ADAMTSL1: variants seen among roughly 807,000 people sequenced by gnomAD.
ADAMTSL1 encodes the protein ADAMTS like 1.
Under a neutral mutation model 201.8 loss-of-function variants are expected in ADAMTSL1, and 126 were observed. That is an observed-to-expected ratio of 0.62 (90% CI 0.54 to 0.72). ADAMTSL1 has a LOEUF of 0.72. Among genes scored for constraint, ADAMTSL1 ranks in the 30% least tolerant of loss-of-function variants. The pLI is 0.00. For synonymous variants in ADAMTSL1, 1,121 were observed against 903.4 expected (o/e 1.24, Z -4.32); for missense variants, 2,679 against 2,277.8 (o/e 1.18, Z -3.59).
At chr9:18,841,980 A>G (rs1046693429) in intron 23 of ADAMTSL1, among the ~76,000 whole-genome samples, 2 of 151,694 alleles carry the variant, frequency 1.3e-5, no homozygotes, top group Non-Finnish European at 2.9e-5. Context: ...GATCCTTTCA[A>G]AAAACCAGCT....
chr9:18,598,143 G>A (rs1824387189), intron 4 of ADAMTSL1, among the ~76,000 whole-genome samples: 1 of 152,144 alleles, frequency 6.6e-6, no homozygotes, highest in Non-Finnish European at 1.5e-5. Context: ...AGACCCTGGG[G>A]ATATTTTGAA....
At chr9:18,626,882 C>T (rs550102776) in intron 5 of ADAMTSL1, among the ~76,000 whole-genome samples, 19,728 of 124,576 alleles carry the variant, frequency 0.16, 1,519 homozygotes, top group Admixed American at 0.22. Flanking sequence ...TTTCTTCCTT[C>T]CTTCCTTCCT....
chr9:18,425,858 A>AG (rs1377006004), intron 2 of ADAMTSL1, among the ~76,000 whole-genome samples: 2 of 121,004 alleles, frequency 1.7e-5, no homozygotes, highest in East Asian at 3.2e-4. Flanking sequence ...CCCTGTCTCA[A>AG]GAAAAAAAAA....
chr9:17,948,752 G>T (rs1054325711), intron 1 of ADAMTSL1, among the ~76,000 whole-genome samples: 6 of 152,206 alleles, frequency 3.9e-5, no homozygotes, highest in African/African-American at 1.4e-4. Context: ...CCTGGTTTAG[G>T]TTAATGCAAA....
intron 1 of ADAMTSL1, among the ~76,000 whole-genome samples, chr9:18,036,277 G>A (rs1372149095): frequency 6.6e-6 from 1 of 152,190 alleles, no homozygotes; most frequent in Admixed American, 6.5e-5. Flanking sequence ...GGAAGAGGTT[G>A]AGAGGCCTTT....
chr9:17,917,550 G>T (rs975973326), intron 1 of ADAMTSL1, among the ~76,000 whole-genome samples: 2 of 151,916 alleles, frequency 1.3e-5, no homozygotes, highest in African/African-American at 4.8e-5. Flanking sequence ...AGCCCAAATT[G>T]ATCATAATAT....
intron 2 of ADAMTSL1, among the ~76,000 whole-genome samples, chr9:18,331,020 G>T (rs1185982603): frequency 2.0e-5 from 3 of 152,158 alleles, no homozygotes; most frequent in African/African-American, 4.8e-5. Flanking sequence ...ATTGGGTATG[G>T]CATAGTCAGG....
At chr9:18,131,710 C>T (rs1330613987) in intron 1 of ADAMTSL1, among the ~76,000 whole-genome samples, 4 of 152,086 alleles carry the variant, frequency 2.6e-5, no homozygotes, top group Non-Finnish European at 4.4e-5. Flanking sequence ...TAGTCTTTTG[C>T]TGGGACTGTG....
chr9:18,021,209 A>G (rs1820468176), intron 1 of ADAMTSL1, among the ~76,000 whole-genome samples: 1 of 152,152 alleles, frequency 6.6e-6, no homozygotes, highest in Admixed American at 6.5e-5. Context: ...CAAGTTTCTG[A>G]AGTCTGAAAT....
At chr9:18,115,585 G>A (rs568191803) in intron 1 of ADAMTSL1, among the ~76,000 whole-genome samples, 1 of 152,114 alleles carries the variant, frequency 6.6e-6, no homozygotes, top group Admixed American at 6.6e-5. Flanking sequence ...ACTTAAAGAG[G>A]ATTTACTGTG....
chr9:18,111,631 C>T (rs182404110), intron 1 of ADAMTSL1, among the ~76,000 whole-genome samples: 1 of 152,280 alleles, frequency 6.6e-6, no homozygotes, highest in East Asian at 1.9e-4. Flanking sequence ...ATTTTGGAGT[C>T]CACTTTAGAC....
chr9:18,790,528 T>TAC, intron 19 of ADAMTSL1, among the ~76,000 whole-genome samples: 1 of 152,312 alleles, frequency 6.6e-6, no homozygotes, highest in East Asian at 1.9e-4. Context: ...CCTTAAGCAC[T>TAC]ACACATTCCA....
intron 7 of ADAMTSL1, among the ~76,000 whole-genome samples, chr9:18,651,699 T>C (rs1360919427): frequency 6.6e-6 from 1 of 152,188 alleles, no homozygotes; most frequent in Non-Finnish European, 1.5e-5. Context: ...TGGAGAATTC[T>C]AAGGGAACAG....
chr9:18,700,187 C>G (rs781022968), intron 13 of ADAMTSL1, among the ~76,000 whole-genome samples: 4 of 151,980 alleles, frequency 2.6e-5, no homozygotes, highest in Admixed American at 2.6e-4. Flanking sequence ...TTTAAGAATG[C>G]CTTAATATTA....
chr9:17,990,188 A>T (rs1036848558), intron 1 of ADAMTSL1, among the ~76,000 whole-genome samples: 2 of 152,056 alleles, frequency 1.3e-5, no homozygotes, highest in African/African-American at 2.4e-5. Flanking sequence ...GGTTTCTCAC[A>T]TGGCACAGAG....
chr9:18,188,998 C>T (rs770317392), intron 2 of ADAMTSL1, among the ~76,000 whole-genome samples: 4 of 152,134 alleles, frequency 2.6e-5, no homozygotes, highest in Admixed American at 6.6e-5. Flanking sequence ...TGCTCTTTAT[C>T]GCTGTACAGG....
At chr9:18,206,132 T>C (rs541637219) in intron 2 of ADAMTSL1, among the ~76,000 whole-genome samples, 1 of 151,512 alleles carries the variant, frequency 6.6e-6, no homozygotes, top group African/African-American at 2.4e-5. Flanking sequence ...CATCATGAGT[T>C]TTATGTTATC....
intron 2 of ADAMTSL1, among the ~76,000 whole-genome samples, chr9:18,272,993 TA>T (rs1832440052): frequency 6.6e-6 from 1 of 152,222 alleles, no homozygotes; most frequent in Admixed American, 6.5e-5. Flanking sequence ...GGGAGAATAA[TA>T]AAATGTTTTA....
chr9:18,890,611 C>T, intron 25 of ADAMTSL1: 1 of 455,944 alleles, frequency 2.2e-6, no homozygotes, highest in East Asian at 6.9e-5. Context: ...GAAACATGCT[C>T]ATTAATATCA....
Sources: allele counts gnomAD v4.1 joint callset (sites outside exome capture counted in the v4.1 genomes callset), GRCh38; gene constraint gnomAD v4.1.1; transcripts MANE v1.5; gene names NCBI Gene and HGNC (gene_info 2026-07-23, HGNC 2026-07-21).